The following PCDHGA5 variants were observed in gnomAD, a reference collection of about 807,000 sequenced individuals.
PCDHGA5 encodes protocadherin gamma-A5.
PCDHGA5 carries 36 observed loss-of-function variants against 56.7 expected under a neutral mutation model. The ratio of observed to expected loss-of-function variants is 0.64; its 90% CI spans 0.49 to 0.84. The LOEUF (loss-of-function observed/expected upper bound fraction) is 0.84. Ranked by LOEUF, PCDHGA5 falls within the 40% of genes least tolerant of loss-of-function variation. The pLI, the probability that PCDHGA5 is intolerant of heterozygous loss-of-function variation, is 0.00. For missense variants in PCDHGA5, 1,305 were observed against 1,201.5 expected (o/e 1.09, Z -1.27); for synonymous variants, 563 against 520.2 (o/e 1.08, Z -1.12).
intron 1 of PCDHGA5, chr5:141,426,449 G>A (rs1449929836): frequency 1.6e-5 from 5 of 307,646 alleles, no homozygotes; most frequent in East Asian, 8.0e-5. Flanking sequence ...GAGGACATGC[G>A]GCTGCATGTT....
rs543366398 is a variant in PCDHGA5 at position 141,390,062 on chromosome 5, G to A, written c.2421+23311G>A. On this transcript the variant is annotated intron_variant, in intron 1 of 3. Coordinates refer to ENST00000518069, the MANE Select transcript of PCDHGA5 (RefSeq NM_018918.3). ...GCCCCGCCTCCTGGAGCTGCTTCCAGCCTGGTCTCTGTGTTAAATCCGAAT... is the reference window on the plus strand; with the variant it reads ...GCCCCGCCTCCTGGAGCTGCTTCCAACCTGGTCTCTGTGTTAAATCCGAAT... 101 of 1,614,064 alleles carry A rather than the reference G, an allele frequency of 6.3e-5. 1 individual carries two copies. The Admixed American group carries it at 8.2e-4, about 13-fold the overall frequency.
At chr5:141,402,025 AAC>A (rs1265000731) in intron 1 of PCDHGA5, among the ~76,000 whole-genome samples, 9 of 152,192 alleles carry the variant, frequency 5.9e-5, no homozygotes, top group African/African-American at 1.7e-4. Flanking sequence ...GAATCATTGA[AAC>A]ACAGTCTGTG....
At chr5:141,425,111 A>C (rs2096857405) in intron 1 of PCDHGA5, among the ~76,000 whole-genome samples, 1 of 152,144 alleles carries the variant, frequency 6.6e-6, no homozygotes, top group Non-Finnish European at 1.5e-5. Flanking sequence ...AGATGCCTAC[A>C]TTTTTCTTGA....
At chr5:141,435,644 T>A (rs913195454) in intron 1 of PCDHGA5, among the ~76,000 whole-genome samples, 1 of 152,170 alleles carries the variant, frequency 6.6e-6, no homozygotes, top group Non-Finnish European at 1.5e-5. Flanking sequence ...TGGGAAAATT[T>A]CTGAAACGTG....
chr5:141,399,427 G>A (rs1049477252), intron 1 of PCDHGA5: 2 of 1,613,842 alleles, frequency 1.2e-6, no homozygotes, highest in African/African-American at 2.7e-5. Context: ...CAGCATAAGC[G>A]TCATCCTACA....
intron 1 of PCDHGA5, chr5:141,475,916 G>C (rs1396506642): frequency 1.7e-6 from 1 of 595,408 alleles, no homozygotes; most frequent in Non-Finnish European, 2.9e-6. Flanking sequence ...CAATGAAGAC[G>C]CTGGAGATCG....
intron 1 of PCDHGA5, chr5:141,374,416 G>T (rs1770482486): frequency 6.2e-7 from 1 of 1,613,830 alleles, no homozygotes; most frequent in Non-Finnish European, 8.5e-7. Flanking sequence ...TCCTTGTCGA[G>T]GATAAACTGA....
Position 141,366,063 on chromosome 5 carries a change from C to G in PCDHGA5, c.1733C>G (p.Ala578Gly). Residue 578 changes from alanine (A) to glycine (G), a missense_variant, in exon 1 of 4, where the codon GCG becomes GGG. Physicochemically the swap from Ala to Gly is moderately conservative, Grantham distance 60. Coordinates refer to ENST00000518069, the MANE Select transcript of PCDHGA5 (RefSeq NM_018918.3). ...GACGGTTCCACGGGCGTGGAGCTGG[C>G]GCCTCGCTCCGCAGAACCTGGCTAC... is the stretch of plus-strand genomic sequence containing the variant. ...PTDGSTGVEL[A>G]PRSAEPGYLV... The G allele has an allele frequency of 6.2e-7, 1 of 1,614,246 alleles. No homozygotes were observed. The highest frequency in any genetic ancestry group is 8.5e-7 in the Non-Finnish European group (1 of 1,180,048).
At chr5:141,421,173 C>A in intron 1 of PCDHGA5, 2 of 1,377,172 alleles carry the variant, frequency 1.5e-6, no homozygotes, top group Non-Finnish European at 9.7e-7. Context: ...GATACATAAG[C>A]CGATTCACAA....
intron 1 of PCDHGA5, among the ~76,000 whole-genome samples, chr5:141,451,780 C>T (rs988572200): frequency 6.6e-6 from 1 of 152,016 alleles, no homozygotes; most frequent in Non-Finnish European, 1.5e-5. Flanking sequence ...ACTCAGGAGG[C>T]TGAGGCCAGA....
At chr5:141,446,231 C>T (rs1412899811) in intron 1 of PCDHGA5, among the ~76,000 whole-genome samples, 2 of 152,176 alleles carry the variant, frequency 1.3e-5, no homozygotes, top group African/African-American at 2.4e-5. Flanking sequence ...TGTTGCCTGG[C>T]AAGTGGTAGA....
intron 1 of PCDHGA5, among the ~76,000 whole-genome samples, chr5:141,455,125 A>G (rs952979433): frequency 3.5e-4 from 53 of 151,762 alleles, no homozygotes; most frequent in Non-Finnish European, 1.0e-4. Flanking sequence ...CTAATGTTTT[A>G]AATTACACTG....
At chr5:141,480,910 T>C (rs985100480) in intron 1 of PCDHGA5, among the ~76,000 whole-genome samples, 5 of 152,106 alleles carry the variant, frequency 3.3e-5, no homozygotes, top group Non-Finnish European at 7.4e-5. Flanking sequence ...CTGGGCATGG[T>C]GGCGCATACC....
intron 1 of PCDHGA5, chr5:141,399,021 C>T (rs2093739749): frequency 1.2e-6 from 2 of 1,613,862 alleles, no homozygotes; most frequent in Non-Finnish European, 1.7e-6. Context: ...GAGAAATTAC[C>T]ACTCAAAAGA....
Position 141,366,053 on chromosome 5 carries a change from G to C in PCDHGA5, c.1723G>C (p.Val575Leu), listed in dbSNP as rs202185929. 161 of 1,614,252 alleles carry C rather than the reference G, an allele frequency of 1.0e-4. 1 individual carries two copies. The African/African-American group carries it at 1.7e-3, about 17-fold the overall frequency. Residue 575 changes from valine to leucine, a missense_variant, in exon 1 of 4, where the codon GTG (valine) becomes CTG (leucine). Val to Leu is a conservative substitution (Grantham distance 32). Transcript: ENST00000518069. ...PALPTDGSTG[V>L]ELAPRSAEPG... is the part of the protein sequence containing the mutation. ...CCTCCCCACAGACGGTTCCACGGGCGTGGAGCTGGCGCCTCGCTCCGCAGA... is the reference window on the plus strand; with the variant it reads ...CCTCCCCACAGACGGTTCCACGGGCCTGGAGCTGGCGCCTCGCTCCGCAGA...
In PCDHGA5 at chr5:141,421,851, T is replaced by A. The variant is rs771169063; in HGVS notation, c.2421+55100T>A. 16 of 1,613,596 alleles carry A rather than the reference T, an allele frequency of 9.9e-6. No homozygotes were observed. The Middle Eastern group carries it at 4.9e-4, about 50-fold the overall frequency. On this transcript the variant is annotated intron_variant, in intron 1 of 3. Coordinates refer to ENST00000518069, the MANE Select transcript of PCDHGA5 (RefSeq NM_018918.3). ...GCCTGGACCGAGAGAAAGAGGCTGC[T>A]CACCTGCTCCTCCTCACAGCTTTAG...
chr5:141,385,225 G>C, intron 1 of PCDHGA5: 1 of 1,614,232 alleles, frequency 6.2e-7, no homozygotes, highest in Non-Finnish European at 8.5e-7. Context: ...GCCCAACTAT[G>C]TAGACATGCT....
At chr5:141,376,195 C>T (rs1312737468) in intron 1 of PCDHGA5, 3 of 1,614,172 alleles carry the variant, frequency 1.9e-6, no homozygotes, top group Admixed American at 1.7e-5. Flanking sequence ...CCTGCGTCTT[C>T]CTGGCCTTCG....
intron 1 of PCDHGA5, chr5:141,389,391 G>A (rs544096177): frequency 1.2e-6 from 2 of 1,613,686 alleles, no homozygotes; most frequent in East Asian, 2.2e-5. Flanking sequence ...GTCATCCTAC[G>A]TGTCCATAAG....
Sources: allele counts gnomAD v4.1 joint callset (sites outside exome capture counted in the v4.1 genomes callset), GRCh38; gene constraint gnomAD v4.1.1; transcripts MANE v1.5; gene names NCBI Gene and HGNC (gene_info 2026-07-23, HGNC 2026-07-21).